Variants in WDR70 observed in about 807,000 individuals in gnomAD.
WDR70 encodes WD repeat domain 70.
Under a neutral mutation model 88.6 loss-of-function variants are expected in WDR70, and 53 were observed. That is an observed-to-expected ratio of 0.60 (90% confidence interval 0.48 to 0.75). WDR70 has a LOEUF of 0.75. WDR70 is among the 30% of genes least tolerant of loss of function. The pLI is 0.00. For missense variants in WDR70, 610 were observed against 823.2 expected (o/e 0.74, Z 3.17); for synonymous variants, 280 against 270.0 (o/e 1.04, Z -0.36).
At chr5:37,563,081 C>T (rs1742571095) in intron 9 of WDR70, among the ~76,000 whole-genome samples, 1 of 48,650 alleles carries the variant, frequency 2.1e-5, no homozygotes, top group African/African-American at 1.9e-4. Context: ...GGGGGGCTGA[C>T]CCCCCCCGCC....
chr5:37,545,782 G>A (rs1447546492), intron 9 of WDR70, among the ~76,000 whole-genome samples: 1 of 151,920 alleles, frequency 6.6e-6, no homozygotes, highest in Non-Finnish European at 1.5e-5. Context: ...CCTTGGCCTC[G>A]CAAAGTGCTG....
chr5:37,462,262 A>G (rs1739029373), intron 7 of WDR70, among the ~76,000 whole-genome samples: 1 of 151,960 alleles, frequency 6.6e-6, no homozygotes, highest in South Asian at 2.1e-4. Context: ...GACAAAATAT[A>G]TTTTTACATT....
At chr5:37,674,778 T>C (rs1338822834) in intron 10 of WDR70, among the ~76,000 whole-genome samples, 1 of 151,836 alleles carries the variant, frequency 6.6e-6, no homozygotes, top group Non-Finnish European at 1.5e-5. Flanking sequence ...AAATGGTATT[T>C]CTAGTTCTAG....
intron 9 of WDR70, among the ~76,000 whole-genome samples, chr5:37,598,093 A>G (rs1469510798): frequency 6.6e-6 from 1 of 152,102 alleles, no homozygotes; most frequent in East Asian, 1.9e-4. Flanking sequence ...CCTTCCCCCT[A>G]TTGAATGTAT....
At position 37,694,612 on chromosome 5, in the gene WDR70, T is replaced by C. The variant is rs567473354; in HGVS notation, c.1093-3043T>C. On this transcript the variant is annotated intron_variant, in intron 10 of 17. Coordinates refer to ENST00000265107, the MANE Select transcript of WDR70 (RefSeq NM_018034.4). ...ATGACAAGGACAGAAAACCAAACAC[T>C]GCATGTTCTCACTCATAGGTGGGAA... Among the ~76,000 whole-genome samples the C allele has an allele frequency of 1.9e-4, 29 of 151,572 alleles. 1 individual carries two copies. The South Asian group carries it at 4.4e-3, about 23-fold the overall frequency.
intron 9 of WDR70, among the ~76,000 whole-genome samples, chr5:37,526,148 C>T (rs1316351407): frequency 1.4e-4 from 21 of 152,196 alleles, no homozygotes; most frequent in African/African-American, 4.6e-4. Context: ...CCAGCATCAT[C>T]TTGATAGCAA....
At chr5:37,594,807 A>G (rs971585957) in intron 9 of WDR70, among the ~76,000 whole-genome samples, 3 of 151,946 alleles carry the variant, frequency 2.0e-5, no homozygotes, top group African/African-American at 7.3e-5. Context: ...TGTCCTCTTT[A>G]TATTTCGTTG....
chr5:37,539,223 C>T (rs189642197), intron 9 of WDR70, among the ~76,000 whole-genome samples: 39 of 152,288 alleles, frequency 2.6e-4, no homozygotes, highest in African/African-American at 9.4e-4. Flanking sequence ...TTTCCCACTA[C>T]TATTCTTGTT....
intron 9 of WDR70, among the ~76,000 whole-genome samples, chr5:37,527,096 C>G (rs1741303631): frequency 6.6e-6 from 1 of 152,052 alleles, no homozygotes; most frequent in African/African-American, 2.4e-5. Flanking sequence ...CATCAAGCTA[C>G]CAATGACTTT....
intron 17 of WDR70, among the ~76,000 whole-genome samples, chr5:37,734,655 C>T (rs1453723171): frequency 6.6e-6 from 1 of 151,890 alleles, no homozygotes; most frequent in African/African-American, 2.4e-5. Context: ...GGAGAAAAGG[C>T]GCTATTTTAG....
chr5:37,541,779 T>G (rs1985183), intron 9 of WDR70, among the ~76,000 whole-genome samples: 112,043 of 152,020 alleles, frequency 0.74, 41,881 homozygotes, highest in African/African-American at 0.87. Context: ...TACTGAATAA[T>G]TCTTTGAGGG....
chr5:37,596,160 A>G (rs890045385), intron 9 of WDR70, among the ~76,000 whole-genome samples: 7 of 152,150 alleles, frequency 4.6e-5, no homozygotes, highest in Non-Finnish European at 8.8e-5. Context: ...GCGCTAACCA[A>G]ATTTTACAAG....
chr5:37,384,878 C>T (rs1294430583), intron 3 of WDR70, among the ~76,000 whole-genome samples: 1 of 151,966 alleles, frequency 6.6e-6, no homozygotes, highest in Non-Finnish European at 1.5e-5. Flanking sequence ...AATTCTGACA[C>T]CGTCTGCCTG....
chr5:37,470,112 AAAAAAC>A (rs1739279368), intron 7 of WDR70, among the ~76,000 whole-genome samples: 1 of 81,622 alleles, frequency 1.2e-5, no homozygotes, highest in African/African-American at 3.7e-5. Flanking sequence ...CCATGTAAGC[AAAAAAC>A]AAAAACAAAA....
intron 13 of WDR70, 101 bp from the exon 14 acceptor site, chr5:37,721,014 G>A: frequency 2.1e-6 from 2 of 953,988 alleles, no homozygotes; most frequent in Non-Finnish European, 3.3e-6. Flanking sequence ...TAAACCATCA[G>A]GATGATATTT....
At chr5:37,677,556 T>G (rs546745774) in intron 10 of WDR70, among the ~76,000 whole-genome samples, 1 of 152,334 alleles carries the variant, frequency 6.6e-6, no homozygotes, top group African/African-American at 2.4e-5. Flanking sequence ...TGAGTGAGTT[T>G]CTTAATCCTG....
rs553303298 is a variant in WDR70 at position 37,646,100 on chromosome 5, T to G, written c.1092+40862T>G. 1.2e-4 allele frequency among the ~76,000 whole-genome samples: 18 copies of G among 152,210 alleles called. No individual in the cohort carries two copies. In the East Asian group the frequency reaches 3.5e-3, roughly 29 times the overall value. On this transcript the variant is annotated intron_variant, in intron 10 of 17. Coordinates refer to ENST00000265107, the MANE Select transcript of WDR70 (RefSeq NM_018034.4). Reference sequence around the variant, plus strand: ...ATTTTCTCTGGTGATATGTTTTAATTTTTTGCTTTTTATTTTTTGTGTATC... The same window carrying G: ...ATTTTCTCTGGTGATATGTTTTAATGTTTTGCTTTTTATTTTTTGTGTATC...
At chr5:37,614,087 C>A (rs1744263000) in intron 10 of WDR70, among the ~76,000 whole-genome samples, 1 of 152,182 alleles carries the variant, frequency 6.6e-6, no homozygotes, top group African/African-American at 2.4e-5. Context: ...AATGTATTAT[C>A]TTACAATTCT....
chr5:37,721,396 T>G, intron 14 of WDR70, 181 bp downstream of exon 14: 2 of 605,024 alleles, frequency 3.3e-6, no homozygotes, highest in South Asian at 2.0e-5. Flanking sequence ...ATTTGAATAT[T>G]GCCCTTGATC....
Sources: allele counts gnomAD v4.1 joint callset (sites outside exome capture counted in the v4.1 genomes callset), GRCh38; gene constraint gnomAD v4.1.1; transcripts MANE v1.5; gene names NCBI Gene and HGNC (gene_info 2026-07-23, HGNC 2026-07-21).